Variants in CNTN6 observed in about 807,000 individuals in gnomAD.
CNTN6 encodes the protein contactin 6, also known as contactin-6.
A neutral mutation model predicts 122.8 loss-of-function variants in CNTN6; 137 were observed. That is an observed-to-expected ratio of 1.12 (90% CI 0.97 to 1.29). The LOEUF (loss-of-function observed/expected upper bound fraction) is 1.29. CNTN6 is among the 50% of genes most tolerant of loss of function. The pLI is 0.00. For missense variants in CNTN6, 1,634 were observed against 1,223.4 expected, an observed-to-expected ratio of 1.34 and a Z score of -5.01; for synonymous variants, 570 against 426.0, an observed-to-expected ratio of 1.34 and a Z score of -4.16.
At chr3:1,160,247 G>A (rs2093093415) in intron 2 of CNTN6, among the ~76,000 whole-genome samples, 1 of 151,180 alleles carries the variant, frequency 6.6e-6, no homozygotes, top group African/African-American at 2.4e-5. Context: ...AAATCAAGAT[G>A]CAACCATGGC....
intron 20 of CNTN6, among the ~76,000 whole-genome samples, chr3:1,388,478 A>G (rs995016964): frequency 4.0e-5 from 6 of 151,750 alleles, no homozygotes; most frequent in African/African-American, 1.5e-4. Flanking sequence ...CAGAACAGAA[A>G]AACTGGAAAC....
At chr3:1,139,563 G>A (rs934132791) in intron 1 of CNTN6, among the ~76,000 whole-genome samples, 7 of 151,850 alleles carry the variant, frequency 4.6e-5, no homozygotes, top group African/African-American at 1.2e-4. Context: ...CCCAGGTCAC[G>A]AAGCCCTAAA....
chr3:1,100,448 C>G (rs1395578341), intron 1 of CNTN6, among the ~76,000 whole-genome samples: 2 of 152,072 alleles, frequency 1.3e-5, no homozygotes, highest in African/African-American at 4.8e-5. Context: ...TTCTCTTTGT[C>G]ATTGATTTCT....
chr3:1,277,464 A>G (rs1391045291), intron 4 of CNTN6, among the ~76,000 whole-genome samples: 1 of 145,750 alleles, frequency 6.9e-6, no homozygotes, highest in Admixed American at 7.2e-5. Context: ...GGTTCAAGCA[A>G]TTCTCATGCC....
At chr3:1,243,979 G>A (rs1352430026) in intron 4 of CNTN6, among the ~76,000 whole-genome samples, 3 of 152,044 alleles carry the variant, frequency 2.0e-5, no homozygotes, top group Non-Finnish European at 4.4e-5. Context: ...AGGCTAGGGA[G>A]GGAACGAAGT....
intron 7 of CNTN6, among the ~76,000 whole-genome samples, chr3:1,309,899 A>G (rs1698963871): frequency 1.3e-5 from 2 of 152,176 alleles, no homozygotes; most frequent in South Asian, 4.1e-4. Flanking sequence ...TATAAATGGC[A>G]TTGTATGTTA....
At chr3:1,329,745 C>G in intron 10 of CNTN6, 40 bp from the exon 11 acceptor site, 1 of 1,574,476 alleles carries the variant, frequency 6.4e-7, no homozygotes, top group Non-Finnish European at 8.7e-7. Context: ...TACATGTTAA[C>G]TGAGTAATTA....
At chr3:1,239,821 T>C (rs548734959) in intron 4 of CNTN6, among the ~76,000 whole-genome samples, 367 of 152,162 alleles carry the variant, frequency 2.4e-3, no homozygotes, top group African/African-American at 8.4e-3. Context: ...GTTACAAAAA[T>C]AGGCACATAG....
chr3:1,359,056 T>TC (rs1170196692), intron 12 of CNTN6, among the ~76,000 whole-genome samples: 1 of 151,874 alleles, frequency 6.6e-6, no homozygotes, highest in Non-Finnish European at 1.5e-5. Flanking sequence ...CAAGATCCTG[T>TC]CCCCCAAAAC....
At chr3:1,315,513 G>T (rs1279392691) in intron 7 of CNTN6, among the ~76,000 whole-genome samples, 2 of 152,004 alleles carry the variant, frequency 1.3e-5, no homozygotes, top group Admixed American at 6.6e-5. Flanking sequence ...AATTAGCATT[G>T]TTAGCAGCTG....
chr3:1,275,935 T>C (rs1692271625), intron 4 of CNTN6, among the ~76,000 whole-genome samples: 1 of 152,218 alleles, frequency 6.6e-6, no homozygotes, highest in Admixed American at 6.5e-5. Flanking sequence ...TTATAGTATT[T>C]GTAATATTGT....
intron 4 of CNTN6, among the ~76,000 whole-genome samples, chr3:1,270,356 A>C (rs1407501931): frequency 6.6e-6 from 1 of 152,218 alleles, no homozygotes; most frequent in African/African-American, 2.4e-5. Context: ...AATTTAGAAT[A>C]ACCTCACTAT....
In CNTN6 at chr3:1,396,271, AG is replaced by A. The variant is rs145882798; in HGVS notation, c.2705-5161del. ...GGCTTCATGAAATCTCTCAGCTTGT[AG>A]TACCCCTGCCAGGCCTATATATGGT... On this transcript the variant is annotated intron_variant, in intron 20 of 22. Transcript: ENST00000446702. Among the ~76,000 whole-genome samples the A allele has an allele frequency of 3.9e-3, 598 of 152,296 alleles. 3 individuals carry two copies. The highest frequency in any genetic ancestry group is 0.014 in the African/African-American group (565 of 41,560).
intron 4 of CNTN6, among the ~76,000 whole-genome samples, chr3:1,262,701 T>A (rs74817099): frequency 0.021 from 3,180 of 152,258 alleles, 92 homozygotes; most frequent in African/African-American, 0.069. Flanking sequence ...CTTTTTGGGA[T>A]TTGAATCTTT....
chr3:1,254,359 A>G (rs58777917), intron 4 of CNTN6, among the ~76,000 whole-genome samples: 11,389 of 152,198 alleles, frequency 0.075, 793 homozygotes, highest in East Asian at 0.32. Flanking sequence ...AAATTCAGCC[A>G]TATTTCTACG....
chr3:1,118,302 T>G (rs756745460), intron 1 of CNTN6, among the ~76,000 whole-genome samples: 3 of 152,178 alleles, frequency 2.0e-5, no homozygotes, highest in Non-Finnish European at 4.4e-5. Flanking sequence ...GGAAAGATAG[T>G]GCTCTGAATG....
chr3:1,352,369 C>G lies in CNTN6; in HGVS notation c.1410C>G (p.Thr470=). 6.3e-7 allele frequency: 1 copy of G among 1,578,504 alleles called. No homozygotes were observed. The highest frequency in any genetic ancestry group is 8.6e-7 in the Non-Finnish European group (1 of 1,158,900). ...EDGSLKIYNI[T]RSDAGSYTCI... ...GCAGCCTCAAGATATATAATATTAC[C>G]AGGTCAGATGCTGGATCATATACAT... The change falls in exon 12 of 23, where the codon ACC becomes ACG. Residue 470 remains threonine, a synonymous_variant. Transcript: ENST00000446702.
At chr3:1,343,623 C>G (rs540626771) in intron 11 of CNTN6, among the ~76,000 whole-genome samples, 2 of 152,010 alleles carry the variant, frequency 1.3e-5, no homozygotes, top group Non-Finnish European at 2.9e-5. Flanking sequence ...TTATTAAGTA[C>G]CTGCTAACTG....
At chr3:1,329,354 C>T (rs553200265) in intron 10 of CNTN6, among the ~76,000 whole-genome samples, 90 of 151,636 alleles carry the variant, frequency 5.9e-4, no homozygotes, top group Non-Finnish European at 9.6e-4. Flanking sequence ...ATTCCTTCTT[C>T]GGCCTCTTTT....
Sources: allele counts gnomAD v4.1 joint callset (sites outside exome capture counted in the v4.1 genomes callset), GRCh38; gene constraint gnomAD v4.1.1; transcripts MANE v1.5; gene names NCBI Gene and HGNC (gene_info 2026-07-23, HGNC 2026-07-21).